FOXJ3: variants seen among roughly 807,000 people sequenced by gnomAD.
FOXJ3 encodes the protein forkhead box protein J3.
Under a neutral mutation model 76.1 loss-of-function variants are expected in FOXJ3, and 22 were observed. The ratio of observed to expected loss-of-function variants is 0.29; its 90% CI spans 0.21 to 0.41. The LOEUF (loss-of-function observed/expected upper bound fraction) is 0.41. FOXJ3 is among the 10% of genes least tolerant of loss of function. The pLI is 1.00. For missense variants in FOXJ3, 613 were observed against 762.1 expected (o/e 0.80, Z 2.30); for synonymous variants, 269 against 261.2 (o/e 1.03, Z -0.29).
At chr1:42,248,737 T>TC (rs1649761362) in intron 4 of FOXJ3, among the ~76,000 whole-genome samples, 1 of 145,634 alleles carries the variant, frequency 6.9e-6, no homozygotes, top group South Asian at 2.2e-4. Context: ...TTTCTTTTTT[T>TC]TTTTTTTTTT....
chr1:42,224,915 C>T (rs1647428282), intron 5 of FOXJ3, among the ~76,000 whole-genome samples: 1 of 151,638 alleles, frequency 6.6e-6, no homozygotes, highest in South Asian at 2.1e-4. Flanking sequence ...GGCAAGACCC[C>T]ATCTCTACAA....
In FOXJ3 at chr1:42,222,046, G is replaced by GAGAAGAAGAAGAAGAAGAAGAAGA. The variant is rs1161062102; in HGVS notation, c.528+5813_528+5836dup. On this transcript the variant is annotated intron_variant, in intron 5 of 12. Coordinates refer to ENST00000361346, the MANE Select transcript of FOXJ3 (RefSeq NM_014947.5). ...GGGGGAGGGGGAGGAGAAGGAGAAG[G>GAGAAGAAGAAGAAGAAGAAGAAGA]AGAAGAAGAAGAAGAAGAAGAAGAA... Among the ~76,000 whole-genome samples the GAGAAGAAGAAGAAGAAGAAGAAGA allele has an allele frequency of 4.1e-3, 37 of 8,998 alleles. 1 individual carries two copies. The highest frequency in any genetic ancestry group is 9.4e-3 in the South Asian group (1 of 106). The allele number at this position is 8,998 out of a possible 152,430, so 5.9% of individuals were successfully genotyped here.
At chr1:42,308,809 A>G (rs911181888) in intron 2 of FOXJ3, among the ~76,000 whole-genome samples, 2 of 152,190 alleles carry the variant, frequency 1.3e-5, no homozygotes, top group African/African-American at 4.8e-5. Flanking sequence ...AAAGTTACAC[A>G]CATATTATTC....
intron 1 of FOXJ3, among the ~76,000 whole-genome samples, chr1:42,317,168 C>G (rs1277777934): frequency 6.6e-6 from 1 of 152,108 alleles, no homozygotes; most frequent in Non-Finnish European, 1.5e-5. Context: ...CATTCACTAA[C>G]ATTCATGAAG....
At chr1:42,243,727 T>C (rs1649325101) in intron 4 of FOXJ3, among the ~76,000 whole-genome samples, 1 of 152,088 alleles carries the variant, frequency 6.6e-6, no homozygotes, top group African/African-American at 2.4e-5. Flanking sequence ...ACAAAAACTC[T>C]AAATATATAT....
intron 4 of FOXJ3, among the ~76,000 whole-genome samples, chr1:42,258,324 C>T (rs1243026713): frequency 6.6e-6 from 1 of 152,226 alleles, no homozygotes; most frequent in African/African-American, 2.4e-5. Flanking sequence ...TGCTCAGGCA[C>T]AGCATTTGCA....
rs1394100500 is a variant in FOXJ3, at chr1:42,265,118, T to C, written c.441A>G (p.Gly147=). ...LKVPRSKDDP[G]KGSYWAIDTN... is the part of the protein sequence containing the mutation. ...GTTTTAAGAAGATGAATCCTACCTT[T>C]CCAGGGTCATCCTTAGATCGAGGCA... Residue 147 remains glycine (G), a synonymous_variant, in exon 4 of 13, where the codon GGA becomes GGG. Coordinates refer to ENST00000361346, the MANE Select transcript of FOXJ3 (RefSeq NM_014947.5). The C allele has an allele frequency of 6.4e-7, 1 of 1,562,754 alleles. No homozygotes were observed. The highest frequency in any genetic ancestry group is 2.2e-5 in the East Asian group (1 of 44,542).
intron 2 of FOXJ3, among the ~76,000 whole-genome samples, chr1:42,301,908 G>A (rs749557627): frequency 1.3e-5 from 2 of 151,846 alleles, no homozygotes; most frequent in Non-Finnish European, 2.9e-5. Context: ...TGTTCCTCTG[G>A]TTGCTTCTCA....
intron 3 of FOXJ3, among the ~76,000 whole-genome samples, chr1:42,268,678 C>T (rs1196486355): frequency 3.3e-5 from 5 of 152,034 alleles, no homozygotes; most frequent in African/African-American, 4.8e-5. Context: ...ACTGGAAAGA[C>T]GTGGTTTATA....
chr1:42,276,811 C>T (rs1406130856), intron 3 of FOXJ3, among the ~76,000 whole-genome samples: 1 of 152,172 alleles, frequency 6.6e-6, no homozygotes, highest in African/African-American at 2.4e-5. Flanking sequence ...ATTATCTATC[C>T]TCTGATATGT....
intron 2 of FOXJ3, among the ~76,000 whole-genome samples, chr1:42,293,689 T>G (rs1021502783): frequency 1.3e-5 from 2 of 152,216 alleles, no homozygotes; most frequent in South Asian, 2.1e-4. Flanking sequence ...TCTATAGACC[T>G]ATCTTGCACT....
chr1:42,261,728 A>T (rs2124617134), intron 4 of FOXJ3, among the ~76,000 whole-genome samples: 1 of 152,314 alleles, frequency 6.6e-6, no homozygotes. Flanking sequence ...CAGCTAGCAA[A>T]ATCCTAAGGG....
chr1:42,284,512 T>C (rs2124689552), intron 2 of FOXJ3, among the ~76,000 whole-genome samples: 1 of 152,378 alleles, frequency 6.6e-6, no homozygotes, highest in East Asian at 1.9e-4. Flanking sequence ...ACCCTTGTCC[T>C]GCAATTTCAG....
rs1035066640 is a variant in FOXJ3, at chr1:42,186,026, C to T, written c.1645+2711G>A. On this transcript the variant is annotated intron_variant, in intron 11 of 12. Coordinates refer to ENST00000361346, the MANE Select transcript of FOXJ3 (RefSeq NM_014947.5). ...ACTTTCTCCCCCTGGATTACAATGTCCTTATCTGTTAAATAAAGGGATAAA... is the reference window on the plus strand; with the variant it reads ...ACTTTCTCCCCCTGGATTACAATGTTCTTATCTGTTAAATAAAGGGATAAA... Among the ~76,000 whole-genome samples the T allele has an allele frequency of 4.2e-4, 64 of 152,194 alleles. 1 individual carries two copies. Among genetic ancestry groups the T allele is most frequent in the African/African-American group, 1.2e-3 (49 of 41,462 alleles).
At chr1:42,244,550 G>A (rs1407231925) in intron 4 of FOXJ3, among the ~76,000 whole-genome samples, 1 of 151,690 alleles carries the variant, frequency 6.6e-6, no homozygotes, top group African/African-American at 2.4e-5. Context: ...AAAGGTCAGA[G>A]CAAAACTAAA....
In FOXJ3 at chr1:42,188,750, T is replaced by C; in HGVS notation, c.1632A>G (p.Gln544=). Residue 544 remains glutamine, a synonymous_variant, in exon 11 of 13, where the codon CAA becomes CAG. Transcript: ENST00000361346. Reference sequence around the variant, plus strand: ...CTAACCCCATACCTGTTCCAATGTGTTGGGAAGGTTTTGTTGGATGCATGG... The same window carrying C: ...CTAACCCCATACCTGTTCCAATGTGCTGGGAAGGTTTTGTTGGATGCATGG... ...HGAMHPTKPS[Q]HIGTGNLYID... is the part of the protein sequence containing the mutation. 2 of 1,599,018 alleles carry C rather than the reference T, an allele frequency of 1.3e-6. No homozygotes were observed. Among genetic ancestry groups the C allele is most frequent in the African/African-American group, 1.3e-5 (1 of 74,538 alleles).
chr1:42,291,990 C>T (rs1022447825), intron 2 of FOXJ3, among the ~76,000 whole-genome samples: 20 of 151,888 alleles, frequency 1.3e-4, no homozygotes, highest in African/African-American at 4.8e-4. Context: ...GTCCCGATGC[C>T]GGTGGGAGGA....
intron 4 of FOXJ3, among the ~76,000 whole-genome samples, chr1:42,235,936 C>T (rs997529093): frequency 6.6e-6 from 1 of 152,084 alleles, no homozygotes; most frequent in African/African-American, 2.4e-5. Context: ...GATCCTCCTG[C>T]CTTGGGCATC....
chr1:42,251,440 T>C (rs79808262), intron 4 of FOXJ3, among the ~76,000 whole-genome samples: 37 of 152,202 alleles, frequency 2.4e-4, no homozygotes, highest in African/African-American at 7.9e-4. Flanking sequence ...AAACCTACAC[T>C]ACAAGAACTG....
Sources: allele counts gnomAD v4.1 joint callset (sites outside exome capture counted in the v4.1 genomes callset), GRCh38; gene constraint gnomAD v4.1.1; transcripts MANE v1.5; gene names NCBI Gene and HGNC (gene_info 2026-07-23, HGNC 2026-07-21).